TRDN: variants seen among roughly 807,000 people sequenced by gnomAD.
TRDN encodes the protein triadin in skeletal muscle.
TRDN carries 161 observed loss-of-function variants against 149.7 expected under a neutral mutation model. The observed-to-expected ratio is 1.08, with a 90% CI of 0.95 to 1.23. The LOEUF (loss-of-function observed/expected upper bound fraction) is 1.23. Among genes scored for constraint, TRDN ranks in the 50% most tolerant of loss-of-function variants. TRDN has a pLI of 0.00. For synonymous variants in TRDN, 294 were observed against 250.5 expected (o/e 1.17, Z -1.64); for missense variants, 896 against 823.5 (o/e 1.09, Z -1.08).
chr6:123,505,115 A>T (rs1445334025), intron 7 of TRDN, among the ~76,000 whole-genome samples: 1 of 151,854 alleles, frequency 6.6e-6, no homozygotes, highest in Non-Finnish European at 1.5e-5. Context: ...GTGGTGGTGC[A>T]TGCCTGTAAT....
chr6:123,582,282 C>G (rs1783159652), intron 1 of TRDN, among the ~76,000 whole-genome samples: 1 of 152,092 alleles, frequency 6.6e-6, no homozygotes, highest in African/African-American at 2.4e-5. Flanking sequence ...TATTATCTAA[C>G]AACCCAGAAT....
intron 16 of TRDN, 90 bp from the exon 17 acceptor site, chr6:123,377,988 G>T: frequency 1.1e-6 from 1 of 931,452 alleles, no homozygotes; most frequent in Non-Finnish European, 1.6e-6. Flanking sequence ...AAAGAAACAT[G>T]CATGTGCTGA....
In TRDN at chr6:123,503,799, T is replaced by G. The variant is rs759819284; in HGVS notation, c.713A>C (p.Lys238Thr). Residue 238 changes from lysine (K) to threonine (T), a missense_variant, in exon 8 of 41, where the codon AAA becomes ACA. By Grantham distance (78) the Lys-to-Thr change is moderately conservative. Transcript: ENST00000334268. ...TTTTGATGGTGTTTTCTGTACTTCTTTTACTTTTGCAGCTGTTTGCTTCAC... is the reference window on the plus strand; with the variant it reads ...TTTTGATGGTGTTTTCTGTACTTCTGTTACTTTTGCAGCTGTTTGCTTCAC... ...EKVKQTAAKV[K>T]EVQKTPSKPK... 1 of 1,613,146 alleles carries G rather than the reference T, an allele frequency of 6.2e-7. No individual in the cohort carries two copies. Among genetic ancestry groups the G allele is most frequent in the Non-Finnish European group, 8.5e-7 (1 of 1,179,532 alleles).
At chr6:123,326,378 T>C (rs972225519) in intron 23 of TRDN, among the ~76,000 whole-genome samples, 2 of 152,066 alleles carry the variant, frequency 1.3e-5, no homozygotes, top group Admixed American at 1.3e-4. Context: ...TGTCCTTTTC[T>C]AGTATCCCAT....
rs1413018998 is a variant in TRDN at position 123,267,939 on chromosome 6, A to G, written c.1739-188T>C. ...AAACAGGGTTAGGTTCTTTCTCAGGACACCCAGGAAAAGGCTTTTTTCTAC... is the reference window on the plus strand; with the variant it reads ...AAACAGGGTTAGGTTCTTTCTCAGGGCACCCAGGAAAAGGCTTTTTTCTAC... On this transcript the variant is annotated intron_variant, in intron 31 of 40. Coordinates refer to ENST00000334268, the MANE Select transcript of TRDN (RefSeq NM_006073.4). Among the ~76,000 whole-genome samples, 5 of 152,248 alleles carry G rather than the reference A, an allele frequency of 3.3e-5. No individual in the cohort carries two copies. In the East Asian group the frequency reaches 9.6e-4, roughly 29 times the overall value.
chr6:123,438,995 CT>C lies in TRDN; in HGVS notation c.939del (p.Glu315LysfsTer49). Reference sequence around the variant, plus strand: ...TTCTTCTCAGCCTTCTTCTTTTCCCCTTCTTTTTCTAGAGAATACATTTAAA... The same window carrying C: ...TTCTTCTCAGCCTTCTTCTTTTCCCCTCTTTTTCTAGAGAATACATTTAAA... ...TPASPALEEK[E>X]GEKKKAEKKV... On this transcript the variant is annotated frameshift_variant, in exon 11 of 41. Transcript: ENST00000334268. LOFTEE classifies it high-confidence loss of function. 1 of 1,554,900 alleles carries C rather than the reference CT, an allele frequency of 6.4e-7. No individual in the cohort carries two copies. The highest frequency in any genetic ancestry group is 8.7e-7 in the Non-Finnish European group (1 of 1,148,408).
chr6:123,434,934 A>G (rs894640379), intron 12 of TRDN, among the ~76,000 whole-genome samples: 2 of 151,944 alleles, frequency 1.3e-5, no homozygotes, highest in African/African-American at 4.8e-5. Context: ...TTTGTATCAT[A>G]TAAAGCCCAT....
At chr6:123,569,975 A>G (rs1304225464) in intron 2 of TRDN, among the ~76,000 whole-genome samples, 1 of 152,222 alleles carries the variant, frequency 6.6e-6, no homozygotes, top group Non-Finnish European at 1.5e-5. Context: ...TTTATATTGT[A>G]TTTCTTCTTG....
At chr6:123,615,535 TATACAC>T (rs1785039271) in intron 1 of TRDN, among the ~76,000 whole-genome samples, 2 of 143,108 alleles carry the variant, frequency 1.4e-5, no homozygotes, top group Admixed American at 6.7e-5. Context: ...AAAACATGTA[TATACAC>T]ACACACACAC....
At chr6:123,358,022 A>G (rs1780748593) in intron 20 of TRDN, among the ~76,000 whole-genome samples, 1 of 152,212 alleles carries the variant, frequency 6.6e-6, no homozygotes, top group Non-Finnish European at 1.5e-5. Flanking sequence ...TGAAGAGCAA[A>G]CATTAGAAAT....
chr6:123,483,837 C>A, intron 9 of TRDN, among the ~76,000 whole-genome samples: 1 of 152,080 alleles, frequency 6.6e-6, no homozygotes, highest in Admixed American at 6.5e-5. Context: ...AGCATAGCAA[C>A]TCAGATGTTG....
rs768333546 is a variant in TRDN, at chr6:123,432,808, G to A, written c.1051+5255C>T. Among the ~76,000 whole-genome samples, 54 of 152,086 alleles carry A rather than the reference G, an allele frequency of 3.6e-4. 1 individual carries two copies. The highest frequency in any genetic ancestry group is 6.2e-4 in the Non-Finnish European group (42 of 67,968). On this transcript the variant is annotated intron_variant, in intron 12 of 40. Transcript: ENST00000334268. Reference sequence around the variant, plus strand: ...TTTGCTTCTTGAAACATCTATTTCTGAAACATCTATAATACCAAGCTCTTA... The same window carrying A: ...TTTGCTTCTTGAAACATCTATTTCTAAAACATCTATAATACCAAGCTCTTA...
chr6:123,599,449 A>G (rs1784181900), intron 1 of TRDN, among the ~76,000 whole-genome samples: 1 of 152,128 alleles, frequency 6.6e-6, no homozygotes, highest in African/African-American at 2.4e-5. Context: ...TTATTTCTTC[A>G]ACCAATGTTC....
chr6:123,353,892 A>G (rs919725642), intron 20 of TRDN, among the ~76,000 whole-genome samples: 8 of 151,828 alleles, frequency 5.3e-5, no homozygotes, highest in Admixed American at 2.0e-4. Flanking sequence ...CTCACAGATC[A>G]CACCTGTAGA....
At chr6:123,515,176 T>A (rs962800410) in intron 6 of TRDN, among the ~76,000 whole-genome samples, 2 of 151,828 alleles carry the variant, frequency 1.3e-5, no homozygotes, top group African/African-American at 4.8e-5. Flanking sequence ...AAGGGAAATC[T>A]ATGAAATGCC....
intron 1 of TRDN, among the ~76,000 whole-genome samples, chr6:123,594,222 T>C (rs2114628425): frequency 6.6e-6 from 1 of 152,272 alleles, no homozygotes; most frequent in South Asian, 2.1e-4. Flanking sequence ...AAATTATTCA[T>C]TTTTTCAATA....
chr6:123,447,085 C>T (rs1775425826), intron 10 of TRDN, among the ~76,000 whole-genome samples: 1 of 152,008 alleles, frequency 6.6e-6, no homozygotes, highest in Admixed American at 6.6e-5. Flanking sequence ...CTAAGCTGGC[C>T]TTTCAGGCTC....
rs146995718 is a variant in TRDN, at chr6:123,344,502, A to T, written c.1370-6833T>A. Reference sequence around the variant, plus strand: ...TTCTCCATACTTTTGCCTTTTCCAGAATGTCATACAGTTGTAATTATACAA... The same window carrying T: ...TTCTCCATACTTTTGCCTTTTCCAGTATGTCATACAGTTGTAATTATACAA... On this transcript the variant is annotated intron_variant, in intron 21 of 40. Coordinates refer to ENST00000334268, the MANE Select transcript of TRDN (RefSeq NM_006073.4). Among the ~76,000 whole-genome samples the T allele has an allele frequency of 4.9e-3, 750 of 152,100 alleles. 4 individuals carry two copies. Among genetic ancestry groups the T allele is most frequent in the African/African-American group, 0.017 (709 of 41,496 alleles).
intron 1 of TRDN, among the ~76,000 whole-genome samples, chr6:123,585,357 T>C (rs1457601503): frequency 1.3e-5 from 2 of 151,786 alleles, no homozygotes; most frequent in African/African-American, 2.4e-5. Flanking sequence ...TTTTAAGAGG[T>C]TTAGAAGCCT....
Sources: allele counts gnomAD v4.1 joint callset (sites outside exome capture counted in the v4.1 genomes callset), GRCh38; gene constraint gnomAD v4.1.1; transcripts MANE v1.5; gene names NCBI Gene and HGNC (gene_info 2026-07-23, HGNC 2026-07-21).